The following PTPRT variants were observed in gnomAD, a reference collection of about 807,000 sequenced individuals.
The protein encoded by PTPRT is protein tyrosine phosphatase receptor type T.
Under a neutral mutation model 176.8 loss-of-function variants are expected in PTPRT, and 56 were observed. The ratio of observed to expected loss-of-function variants is 0.32; its 90% CI spans 0.26 to 0.40. PTPRT has a LOEUF of 0.40. PTPRT is among the 10% of genes least tolerant of loss of function. The pLI is 1.00. For missense variants in PTPRT, 1,540 were observed against 1,908.2 expected, an observed-to-expected ratio of 0.81 and a Z score of 3.60; for synonymous variants, 783 against 739.0, an observed-to-expected ratio of 1.06 and a Z score of -0.96.
intron 2 of PTPRT, among the ~76,000 whole-genome samples, chr20:42,793,806 T>G (rs1207194852): frequency 3.3e-5 from 5 of 152,102 alleles, no homozygotes; most frequent in African/African-American, 1.2e-4. Context: ...TTCCAAAAGG[T>G]TTCCTTGGAC....
intron 2 of PTPRT, among the ~76,000 whole-genome samples, chr20:42,791,939 G>T (rs1300441341): frequency 6.6e-6 from 1 of 152,186 alleles, no homozygotes; most frequent in East Asian, 1.9e-4. Context: ...CAGAGGGTAT[G>T]TCCCCATCCC....
At chr20:42,305,126 G>A (rs1325116613) in intron 12 of PTPRT, among the ~76,000 whole-genome samples, 1 of 152,158 alleles carries the variant, frequency 6.6e-6, no homozygotes, top group Non-Finnish European at 1.5e-5. Flanking sequence ...GCTGAGGCAG[G>A]AGGATTGCTT....
At chr20:42,890,091 A>G (rs984561071) in intron 1 of PTPRT, among the ~76,000 whole-genome samples, 1 of 152,182 alleles carries the variant, frequency 6.6e-6, no homozygotes, top group African/African-American at 2.4e-5. Context: ...CATCTGCACA[A>G]GGGGCTGAAT....
At chr20:42,123,950 C>G (rs1234585101) in intron 19 of PTPRT, among the ~76,000 whole-genome samples, 3 of 152,218 alleles carry the variant, frequency 2.0e-5, no homozygotes, top group Admixed American at 2.0e-4. Context: ...CCAGGGCTGG[C>G]TTGCTCATGG....
chr20:42,044,387 G>T, the PTPRT span, among the ~76,000 whole-genome samples: 1 of 152,194 alleles, frequency 6.6e-6, no homozygotes, highest in African/African-American at 2.4e-5. Context: ...TCAGGCCCAG[G>T]CTCATTCTGG....
intron 7 of PTPRT, among the ~76,000 whole-genome samples, chr20:42,563,922 G>T (rs1364628788): frequency 6.6e-6 from 1 of 152,182 alleles, no homozygotes; most frequent in African/African-American, 2.4e-5. Flanking sequence ...CTGCAGGGTG[G>T]CTCTGCTTCA....
At chr20:42,640,241 T>A (rs977396605) in intron 7 of PTPRT, among the ~76,000 whole-genome samples, 11 of 152,134 alleles carry the variant, frequency 7.2e-5, no homozygotes, top group Non-Finnish European at 1.5e-4. Context: ...GTAAAATTTA[T>A]TTTTTTATTG....
At position 42,110,373 on chromosome 20, in the gene PTPRT, G is replaced by A. The variant is rs1986900086; in HGVS notation, c.3214C>T (p.Leu1072Phe). 1 of 1,612,852 alleles carries A rather than the reference G, an allele frequency of 6.2e-7. No individual in the cohort carries two copies. Among genetic ancestry groups the A allele is most frequent in the Non-Finnish European group, 8.5e-7 (1 of 1,179,010 alleles). The change falls in exon 23 of 31, where the codon CTC becomes TTC. Residue 1072 changes from leucine to phenylalanine, a missense_variant. This residue lies in a region of PTPRT where 248 missense variants were observed against 356.7 expected (regional missense o/e 0.70). Coordinates refer to ENST00000373187, the MANE Select transcript of PTPRT (RefSeq NM_007050.6). ...LLGFVRQVKF[L>F]NPPEAGPIVV... ...ATGGGCCCAGCTTCCGGGGGGTTGA[G>A]GAACTTGACCTGGCGGACGAAGCCC...
At chr20:42,656,535 A>G (rs1427819746) in intron 7 of PTPRT, among the ~76,000 whole-genome samples, 4 of 152,210 alleles carry the variant, frequency 2.6e-5, no homozygotes, top group Non-Finnish European at 5.9e-5. Flanking sequence ...ATAGATGGGC[A>G]TGTCCAAATA....
At chr20:42,787,536 C>T (rs2077309224) in intron 3 of PTPRT, among the ~76,000 whole-genome samples, 1 of 152,338 alleles carries the variant, frequency 6.6e-6, no homozygotes, top group African/African-American at 2.4e-5. Context: ...GTGACCTCCA[C>T]CACATCAGCC....
At chr20:42,701,428 A>G (rs996663155) in intron 6 of PTPRT, among the ~76,000 whole-genome samples, 2 of 152,180 alleles carry the variant, frequency 1.3e-5, no homozygotes, top group Non-Finnish European at 2.9e-5. Flanking sequence ...TCATGGTGCA[A>G]TGTAATTAGA....
the PTPRT span, among the ~76,000 whole-genome samples, chr20:42,034,892 A>C: frequency 1.3e-5 from 2 of 152,170 alleles, no homozygotes; most frequent in African/African-American, 4.8e-5. Flanking sequence ...AACCCTTCTG[A>C]GGCTTAACAG....
chr20:42,403,804 C>T (rs1230712190), intron 9 of PTPRT, among the ~76,000 whole-genome samples: 1 of 152,112 alleles, frequency 6.6e-6, no homozygotes, highest in Non-Finnish European at 1.5e-5. Flanking sequence ...TAATCTGGCC[C>T]TATCCAAACC....
rs1196252065 is a variant in PTPRT at position 42,922,112 on chromosome 20, T to C, written c.89-36180A>G. Among the ~76,000 whole-genome samples the C allele has an allele frequency of 2.0e-5, 3 of 152,156 alleles. No individual in the cohort carries two copies. In the East Asian group the frequency reaches 5.8e-4, roughly 29 times the overall value. On this transcript the variant is annotated intron_variant, in intron 1 of 30. Transcript: ENST00000373187. Reference sequence around the variant, plus strand: ...CACCACACCTAGCTAATTTTTGTATTTTTAGTAGAGATGGGGTTTCGCTAT... The same window carrying C: ...CACCACACCTAGCTAATTTTTGTATCTTTAGTAGAGATGGGGTTTCGCTAT...
chr20:43,031,422 T>C (rs988108631), intron 1 of PTPRT, among the ~76,000 whole-genome samples: 1 of 152,212 alleles, frequency 6.6e-6, no homozygotes, highest in African/African-American at 2.4e-5. Context: ...CCTCACCAGA[T>C]ACTGAATCTG....
intron 9 of PTPRT, among the ~76,000 whole-genome samples, chr20:42,383,495 G>A (rs1468111764): frequency 6.6e-6 from 1 of 152,136 alleles, no homozygotes; most frequent in Non-Finnish European, 1.5e-5. Flanking sequence ...AGGGCTTCTA[G>A]TATAAATGGG....
intron 2 of PTPRT, among the ~76,000 whole-genome samples, chr20:42,877,154 G>A (rs1300728560): frequency 6.6e-6 from 1 of 151,090 alleles, no homozygotes; most frequent in Non-Finnish European, 1.5e-5. Context: ...AAAATAAGCA[G>A]AAAAAAAAGG....
chr20:43,042,607 C>T (rs1018880551), intron 1 of PTPRT, among the ~76,000 whole-genome samples: 2 of 152,136 alleles, frequency 1.3e-5, no homozygotes, highest in African/African-American at 4.8e-5. Context: ...TGCCTCAGAA[C>T]AGAGAGCTCA....
intron 1 of PTPRT, among the ~76,000 whole-genome samples, chr20:43,012,723 C>T (rs1449333589): frequency 1.3e-5 from 2 of 152,090 alleles, no homozygotes; most frequent in South Asian, 2.1e-4. Flanking sequence ...ACTCTACCCT[C>T]GCCCTGGGGA....
Sources: gnomAD v4.1 joint callset for allele counts (sites outside exome capture counted in the v4.1 genomes callset) on GRCh38, gnomAD v4.1.1 for gene constraint, gnomAD v4.1.1 regional missense constraint, MANE v1.5 for transcripts, NCBI Gene and HGNC (gene_info 2026-07-23, HGNC 2026-07-21) for gene names.